CNNM1: variants seen among roughly 807,000 people sequenced by gnomAD.
CNNM1 encodes metal transporter CNNM1.
CNNM1 carries 44 observed loss-of-function variants against 78.8 expected under a neutral mutation model. The observed-to-expected ratio is 0.56, with a 90% CI of 0.44 to 0.72. The LOEUF (loss-of-function observed/expected upper bound fraction) is 0.72. CNNM1 is among the 30% of genes least tolerant of loss of function. The pLI is 0.00. For synonymous variants in CNNM1, 584 were observed against 581.5 expected (o/e 1.00, Z -0.06); for missense variants, 1,101 against 1,292.2 (o/e 0.85, Z 2.27).
chr10:99,387,796 A>G, intron 7 of CNNM1, 24 bp from the exon 8 acceptor site: 4 of 1,556,094 alleles, frequency 2.6e-6, no homozygotes, highest in Non-Finnish European at 3.5e-6. Flanking sequence ...AGCTGCTCCT[A>G]AGCTCCTGCC....
At chr10:99,346,162 G>A (rs1218220969) in intron 1 of CNNM1, among the ~76,000 whole-genome samples, 1 of 152,200 alleles carries the variant, frequency 6.6e-6, no homozygotes, top group African/African-American at 2.4e-5. Context: ...GAGATGGGGA[G>A]TAACCTCACA....
At chr10:99,351,110 A>G (rs1350389683) in intron 1 of CNNM1, among the ~76,000 whole-genome samples, 1 of 152,226 alleles carries the variant, frequency 6.6e-6, no homozygotes, top group East Asian at 1.9e-4. Flanking sequence ...CGAGGTAGTG[A>G]TGATAACACC....
rs1241414047 is a variant in CNNM1, at chr10:99,357,494, A to G, written c.1574-18A>G. On this transcript the variant is annotated intron_variant, in intron 1 of 10. Transcript: ENST00000356713. The stretch of plus-strand genomic sequence containing the variant: ...AAAATGTCCCCGATACTTAACTGTG[A>G]TTTCATTTGTTCTCTAGGAAAATCT... 1 of 1,604,350 alleles carries G rather than the reference A, an allele frequency of 6.2e-7. No homozygotes were observed. Among genetic ancestry groups the G allele is most frequent in the Admixed American group, 1.7e-5 (1 of 58,128 alleles).
At chr10:99,357,899 G>A (rs1331608792) in intron 2 of CNNM1, among the ~76,000 whole-genome samples, 1 of 152,146 alleles carries the variant, frequency 6.6e-6, no homozygotes, top group Non-Finnish European at 1.5e-5. Flanking sequence ...CCAAGACTAT[G>A]AAAAGGAGAC....
chr10:99,383,636 G>A (rs2032222193), intron 7 of CNNM1, among the ~76,000 whole-genome samples: 1 of 152,178 alleles, frequency 6.6e-6, no homozygotes, highest in African/African-American at 2.4e-5. Flanking sequence ...GGAGAATTAA[G>A]GCAATGCCAT....
intron 6 of CNNM1, among the ~76,000 whole-genome samples, chr10:99,372,843 C>G (rs1240896093): frequency 3.9e-5 from 6 of 152,168 alleles, no homozygotes; most frequent in African/African-American, 1.4e-4. Flanking sequence ...AGTAAAGGTT[C>G]TTTTTTCTTT....
In CNNM1 at chr10:99,330,260, C is replaced by G; in HGVS notation, c.873C>G (p.Ala291=). 2 of 1,553,820 alleles carry G rather than the reference C, an allele frequency of 1.3e-6. No homozygotes were observed. Among genetic ancestry groups the G allele is most frequent in the Non-Finnish European group, 1.7e-6 (2 of 1,150,222 alleles). The change falls in exon 1 of 11, where the codon GCC becomes GCG. Residue 291 remains alanine (A), a synonymous_variant. Coordinates refer to ENST00000356713, the MANE Select transcript of CNNM1 (RefSeq NM_020348.3). ...TCTGCACCCTACTCCTGGGCCAAGC[C>G]GGAGCCAACGCGGCCCTGGCTGGCT... ...HLLCTLLLGQ[A]GANAALAGWL...
At chr10:99,373,630 A>G (rs2031874719) in intron 6 of CNNM1, among the ~76,000 whole-genome samples, 1 of 152,208 alleles carries the variant, frequency 6.6e-6, no homozygotes. Flanking sequence ...TATATTACAT[A>G]GTGGTGAAGT....
At chr10:99,360,713 T>A (rs2031399508) in intron 2 of CNNM1, 122 bp from the exon 3 acceptor site, 1 of 1,239,966 alleles carries the variant, frequency 8.1e-7, no homozygotes, top group Non-Finnish European at 1.1e-6. Flanking sequence ...TGGGTGATAT[T>A]GTGATGTCAC....
intron 10 of CNNM1, 141 bp from the exon 11 acceptor site, chr10:99,391,296 A>T: frequency 1.6e-6 from 1 of 632,008 alleles, no homozygotes; most frequent in Middle Eastern, 2.6e-4. Context: ...GCACCAGCAT[A>T]CAATGCCGGT....
At position 99,340,224 on chromosome 10, in the gene CNNM1, A is replaced by C. The variant is rs181239151; in HGVS notation, c.1573+9264A>C. On this transcript the variant is annotated intron_variant, in intron 1 of 10. Coordinates refer to ENST00000356713, the MANE Select transcript of CNNM1 (RefSeq NM_020348.3). ...AATGTTGTTATGTTCATTTTTTTCC[A>C]GCCTGGCAAAAGAAATGCCAGGTAA... Among the ~76,000 whole-genome samples, 532 of 152,242 alleles carry C rather than the reference A, an allele frequency of 3.5e-3. 1 individual carries two copies. Among genetic ancestry groups the C allele is most frequent in the African/African-American group, 0.011 (472 of 41,552 alleles).
intron 7 of CNNM1, among the ~76,000 whole-genome samples, chr10:99,379,640 AT>A (rs11305524): frequency 0.66 from 79,348 of 119,604 alleles, 25,079 homozygotes; most frequent in Non-Finnish European, 0.74. Context: ...GTGTGGCGGG[AT>A]TTTTTTTTTT....
At chr10:99,332,459 T>G (rs1241888294) in intron 1 of CNNM1, among the ~76,000 whole-genome samples, 1 of 151,166 alleles carries the variant, frequency 6.6e-6, no homozygotes, top group African/African-American at 2.4e-5. Context: ...GAGGCTGCAG[T>G]GAGCTATGAC....
intron 7 of CNNM1, 101 bp from the exon 8 acceptor site, chr10:99,387,719 T>TCCAAGCACCCCAGCGAGGCTG: frequency 8.1e-7 from 1 of 1,227,752 alleles, no homozygotes; most frequent in Non-Finnish European, 1.1e-6. Flanking sequence ...GGCCGAGGGT[T>TCCAAGCACCCCAGCGAGGCTG]CCAAGCACCC....
At chr10:99,388,394 G>A in intron 9 of CNNM1, 93 bp downstream of exon 9, 2 of 1,444,602 alleles carry the variant, frequency 1.4e-6, no homozygotes, top group Non-Finnish European at 1.9e-6. Context: ...GGGGAGCCCT[G>A]GGACCGCAGC....
chr10:99,349,813 A>G (rs995708264), intron 1 of CNNM1, among the ~76,000 whole-genome samples: 20 of 152,200 alleles, frequency 1.3e-4, no homozygotes, highest in Admixed American at 1.2e-3. Flanking sequence ...ATCCTGGCTA[A>G]CACGGTGAAA....
chr10:99,389,303 G>A (rs1258337389), intron 9 of CNNM1, among the ~76,000 whole-genome samples: 1 of 151,212 alleles, frequency 6.6e-6, no homozygotes, highest in East Asian at 1.9e-4. Context: ...TGTAATCCCA[G>A]CTACTCGGAA....
chr10:99,365,780 T>C (rs2134055509), intron 6 of CNNM1, among the ~76,000 whole-genome samples: 1 of 152,340 alleles, frequency 6.6e-6, no homozygotes, highest in Non-Finnish European at 1.5e-5. Context: ...CAATGCCAAA[T>C]AGGGTCTTTC....
Position 99,330,482 on chromosome 10 carries a change from G to C in CNNM1, c.1095G>C (p.Leu365=). 1 of 1,584,792 alleles carries C rather than the reference G, an allele frequency of 6.3e-7. No individual in the cohort carries two copies. Among genetic ancestry groups the C allele is most frequent in the Non-Finnish European group, 8.6e-7 (1 of 1,166,342 alleles). The part of the protein sequence containing the change: ...ASHSVCLTRL[L]MAAAFPVCYP... ...ACAGCGTGTGCCTGACCCGGCTTCT[G>C]ATGGCAGCCGCCTTCCCCGTGTGCT... Residue 365 remains leucine (L), a synonymous_variant, in exon 1 of 11, where the codon CTG becomes CTC. Transcript: ENST00000356713.
Sources: gnomAD v4.1 joint callset for allele counts (sites outside exome capture counted in the v4.1 genomes callset) on GRCh38, gnomAD v4.1.1 for gene constraint, MANE v1.5 for transcripts, NCBI Gene and HGNC (gene_info 2026-07-23, HGNC 2026-07-21) for gene names.